Variants in MIGA1 observed in about 807,000 individuals in gnomAD.
The protein encoded by MIGA1 is family with sequence similarity 73, member A.
In MIGA1, 58 loss-of-function variants were observed where a neutral mutation model predicts 82.0. The ratio of observed to expected loss-of-function variants is 0.71; its 90% CI spans 0.57 to 0.88. The LOEUF is 0.88. MIGA1 is among the 40% of genes least tolerant of loss of function. The pLI is 0.00. For synonymous variants in MIGA1, 249 were observed against 253.6 expected (o/e 0.98, Z 0.17); for missense variants, 751 against 749.1 (o/e 1.00, Z -0.03).
intron 5 of MIGA1, among the ~76,000 whole-genome samples, chr1:77,809,690 A>G (rs1244122545): frequency 6.6e-6 from 1 of 152,122 alleles, no homozygotes; most frequent in African/African-American, 2.4e-5. Flanking sequence ...TGAAGAAATT[A>G]GAGTTGCATA....
In MIGA1 at chr1:77,783,350, A is replaced by G; in HGVS notation, c.194A>G (p.Gln65Arg). The G allele has an allele frequency of 1.3e-6, 2 of 1,548,008 alleles. No individual in the cohort carries two copies. The highest frequency in any genetic ancestry group is 8.8e-7 in the Non-Finnish European group (1 of 1,132,348). The change falls in exon 2 of 16, where the codon CAG becomes CGG. Residue 65 changes from glutamine to arginine, a missense_variant and splice_region_variant. Physicochemically the swap from Gln to Arg is conservative, Grantham distance 43. Coordinates refer to ENST00000370791, the MANE Select transcript of MIGA1 (RefSeq NM_198549.4). Reference sequence around the variant, plus strand: ...CTGACTTGGTACTATTCTCTCTCCCAGGTAAATAAAAGAAGCAAACAGGAA... The same window carrying G: ...CTGACTTGGTACTATTCTCTCTCCCGGGTAAATAAAAGAAGCAAACAGGAA...
At chr1:77,791,609 A>G (rs1023842688) in intron 2 of MIGA1, among the ~76,000 whole-genome samples, 3 of 140,780 alleles carry the variant, frequency 2.1e-5, no homozygotes. Context: ...TGTCACCCAG[A>G]CTGGAGTGCA....
intron 7 of MIGA1, among the ~76,000 whole-genome samples, chr1:77,824,433 A>C (rs557549388): frequency 7.3e-4 from 111 of 152,132 alleles, no homozygotes; most frequent in African/African-American, 2.5e-3. Flanking sequence ...TGGTGTGTGC[A>C]TGTAGTTCTA....
chr1:77,804,853 TCCTGA>T (rs1419697603), intron 4 of MIGA1, among the ~76,000 whole-genome samples: 2 of 152,060 alleles, frequency 1.3e-5, no homozygotes, highest in Non-Finnish European at 2.9e-5. Context: ...GGTCTCGAAC[TCCTGA>T]CCTGGTGATC....
At chr1:77,858,795 A>G in intron 8 of MIGA1, 143 bp from the exon 9 acceptor site, 1 of 540,112 alleles carries the variant, frequency 1.9e-6, no homozygotes, top group Non-Finnish European at 3.3e-6. Flanking sequence ...ATTTTTTTAG[A>G]TTTTTGTAGA....
At position 77,819,929 on chromosome 1, in the gene MIGA1, T is replaced by C. The variant is rs1383683349; in HGVS notation, c.895+4698T>C. ...CCATGCTGTATTGACTTACCACTTA[T>C]AGGACAGACGTCTTCCTTGAATGGG... On this transcript the variant is annotated intron_variant, in intron 7 of 15. Coordinates refer to ENST00000370791, the MANE Select transcript of MIGA1 (RefSeq NM_198549.4). Among the ~76,000 whole-genome samples, 7 of 152,068 alleles carry C rather than the reference T, an allele frequency of 4.6e-5. No individual in the cohort carries two copies. In the East Asian group the frequency reaches 1.2e-3, roughly 25 times the overall value.
At chr1:77,829,426 T>G (rs1469406151) in intron 7 of MIGA1, among the ~76,000 whole-genome samples, 3 of 152,142 alleles carry the variant, frequency 2.0e-5, no homozygotes, top group Admixed American at 1.3e-4. Context: ...ACTTCAGCCT[T>G]GGTAACAGAG....
At chr1:77,865,037 TTAA>T (rs1432216176) in intron 13 of MIGA1, among the ~76,000 whole-genome samples, 1 of 152,228 alleles carries the variant, frequency 6.6e-6, no homozygotes. Context: ...TAAGTATGTT[TTAA>T]TAATAAAAGG....
At chr1:77,811,238 C>T in intron 5 of MIGA1, 1 of 1,566,292 alleles carries the variant, frequency 6.4e-7, no homozygotes, top group African/African-American at 1.4e-5. Context: ...ATGCACTGCC[C>T]AGCATCTTTC....
At chr1:77,779,797 G>T in intron 1 of MIGA1, 61 bp downstream of exon 1, 1 of 1,503,320 alleles carries the variant, frequency 6.7e-7, no homozygotes, top group Non-Finnish European at 8.9e-7. Flanking sequence ...AGAGTTGAGC[G>T]GCCACGCAGT....
chr1:77,853,194 G>T (rs1685118896), intron 8 of MIGA1, among the ~76,000 whole-genome samples: 1 of 152,126 alleles, frequency 6.6e-6, no homozygotes, highest in African/African-American at 2.4e-5. Context: ...TCTGAAAATG[G>T]ATAAAAGACT....
chr1:77,811,488 T>C, intron 5 of MIGA1: 1 of 1,546,356 alleles, frequency 6.5e-7, no homozygotes, highest in Non-Finnish European at 8.9e-7. Flanking sequence ...GAATATTCTT[T>C]AGGATTGGTT....
At chr1:77,838,107 T>C (rs1321864409) in intron 7 of MIGA1, among the ~76,000 whole-genome samples, 2 of 152,362 alleles carry the variant, frequency 1.3e-5, no homozygotes, top group African/African-American at 2.4e-5. Context: ...CCAAGACATA[T>C]AGTTGATATT....
intron 8 of MIGA1, among the ~76,000 whole-genome samples, chr1:77,855,258 C>A (rs1471394098): frequency 1.3e-5 from 2 of 152,082 alleles, no homozygotes; most frequent in Admixed American, 6.6e-5. Context: ...TCTATGTGCC[C>A]ATTTTTATAC....
chr1:77,801,508 G>T lies in MIGA1; in HGVS notation c.373G>T (p.Gly125Cys), dbSNP rs535909619. 6.3e-7 allele frequency: 1 copy of T among 1,591,854 alleles called. No homozygotes were observed. The highest frequency in any genetic ancestry group is 8.5e-7 in the Non-Finnish European group (1 of 1,175,458). Residue 125 changes from glycine (G) to cysteine (C), a missense_variant and splice_region_variant, in exon 3 of 16, where the codon GGT (glycine) becomes TGT (cysteine). Coordinates refer to ENST00000370791, the MANE Select transcript of MIGA1 (RefSeq NM_198549.4). ...CACTAAAAGAGCAGCATCAGACAAAGGTATGTGGAAATAGTTGAAGTAAGT... is the reference window on the plus strand; with the variant it reads ...CACTAAAAGAGCAGCATCAGACAAATGTATGTGGAAATAGTTGAAGTAAGT...
intron 5 of MIGA1, chr1:77,811,360 C>G: frequency 6.2e-7 from 1 of 1,607,094 alleles, no homozygotes; most frequent in South Asian, 1.1e-5. Context: ...AGACCCTGCT[C>G]CAGCACCACC....
intron 6 of MIGA1, among the ~76,000 whole-genome samples, chr1:77,814,454 A>G (rs1299783333): frequency 6.6e-6 from 1 of 151,838 alleles, no homozygotes; most frequent in African/African-American, 2.4e-5. Context: ...GGTTGTTCAT[A>G]GGAACAATCA....
At chr1:77,796,398 G>A (rs1024733600) in intron 2 of MIGA1, among the ~76,000 whole-genome samples, 13 of 151,616 alleles carry the variant, frequency 8.6e-5, no homozygotes, top group African/African-American at 1.5e-4. Flanking sequence ...GATTACAGGC[G>A]TGAGCCCACC....
chr1:77,844,432 G>T (rs1684763430), intron 8 of MIGA1, among the ~76,000 whole-genome samples: 1 of 151,658 alleles, frequency 6.6e-6, no homozygotes, highest in Non-Finnish European at 1.5e-5. Context: ...TATAGGCAGA[G>T]GAAAAAAGGC....
Sources: allele counts gnomAD v4.1 joint callset (sites outside exome capture counted in the v4.1 genomes callset), GRCh38; gene constraint gnomAD v4.1.1; transcripts MANE v1.5; gene names NCBI Gene and HGNC (gene_info 2026-07-23, HGNC 2026-07-21).